Variants in GLDN observed in about 807,000 individuals in gnomAD.
GLDN encodes the protein collomin.
Under a neutral mutation model 56.5 loss-of-function variants are expected in GLDN, and 47 were observed. That is an observed-to-expected ratio of 0.83 (90% confidence interval 0.66 to 1.06). GLDN has a LOEUF of 1.06. GLDN is among the 50% of genes least tolerant of loss of function. The pLI is 0.00. For missense variants in GLDN, 782 were observed against 714.3 expected (o/e 1.09, Z -1.08); for synonymous variants, 332 against 278.8 (o/e 1.19, Z -1.90).
chr15:51,371,948 G>C (rs2037525591), intron 1 of GLDN, among the ~76,000 whole-genome samples: 2 of 152,202 alleles, frequency 1.3e-5, no homozygotes, highest in African/African-American at 2.4e-5. Flanking sequence ...GCCTCCCAAA[G>C]TGTTGGGACT....
At chr15:51,383,268 T>C (rs1362698547) in intron 2 of GLDN, among the ~76,000 whole-genome samples, 168 bp from the exon 3 acceptor site, 1 of 152,236 alleles carries the variant, frequency 6.6e-6, no homozygotes, top group Non-Finnish European at 1.5e-5. Flanking sequence ...TGGGTCTTTG[T>C]TGAATTGCTT....
intron 5 of GLDN, among the ~76,000 whole-genome samples, chr15:51,395,692 C>G (rs1167060185): frequency 6.6e-6 from 1 of 152,110 alleles, no homozygotes; most frequent in Non-Finnish European, 1.5e-5. Context: ...CTGGCATTTT[C>G]GCTTAACACC....
chr15:51,381,896 G>A (rs2037770629), intron 2 of GLDN, among the ~76,000 whole-genome samples: 1 of 151,810 alleles, frequency 6.6e-6, no homozygotes, highest in African/African-American at 2.4e-5. Flanking sequence ...AACCCACACT[G>A]CTTTCACAGC....
chr15:51,404,361 C>T lies in GLDN; in HGVS notation c.1263C>T (p.Ser421=). The T allele has an allele frequency of 4.3e-6, 7 of 1,613,134 alleles. No individual in the cohort carries two copies. The highest frequency in any genetic ancestry group is 1.7e-4 in the Middle Eastern group (1 of 6,052). The change falls in exon 10 of 10, where the codon TCC becomes TCT. Residue 421 remains serine (S), a synonymous_variant. Coordinates refer to ENST00000335449, the MANE Select transcript of GLDN (RefSeq NM_181789.4). Reference sequence around the variant, plus strand: ...ATCGAAAATACCTTTTTGCAAATTCCAAAACTTACTTCAATCTAGCTGTAG... The same window carrying T: ...ATCGAAAATACCTTTTTGCAAATTCTAAAACTTACTTCAATCTAGCTGTAG... ...YFDRKYLFAN[S]KTYFNLAVDE... is the part of the protein sequence containing the mutation.
At chr15:51,364,329 C>T (rs765967208) in intron 1 of GLDN, among the ~76,000 whole-genome samples, 2 of 152,166 alleles carry the variant, frequency 1.3e-5, no homozygotes, top group Non-Finnish European at 1.5e-5. Context: ...GTTCACTAAC[C>T]TTTCATCTGC....
At position 51,400,401 on chromosome 15, in the gene GLDN, A is replaced by G. The variant is rs756655568; in HGVS notation, c.930A>G (p.Pro310=). ...CCATGATCACTTCCATTGGAAACCCAGTGCAAGTACTGAAAGTGACAGAGA... is the reference window on the plus strand; with the variant it reads ...CCATGATCACTTCCATTGGAAACCCGGTGCAAGTACTGAAAGTGACAGAGA... ...AESMITSIGN[P]VQVLKVTETF... Residue 310 remains proline, a synonymous_variant, in exon 8 of 10, where the codon CCA becomes CCG. Transcript: ENST00000335449. 2 of 1,614,234 alleles carry G rather than the reference A, an allele frequency of 1.2e-6. No homozygotes were observed. Among genetic ancestry groups the G allele is most frequent in the South Asian group, 2.2e-5 (2 of 91,082 alleles).
chr15:51,371,412 C>A (rs992462062), intron 1 of GLDN, among the ~76,000 whole-genome samples: 3 of 152,230 alleles, frequency 2.0e-5, no homozygotes, highest in African/African-American at 7.2e-5. Context: ...TATGTCCCAT[C>A]TCTGTTTAGT....
At chr15:51,379,447 T>A (rs1278131775) in intron 2 of GLDN, among the ~76,000 whole-genome samples, 1 of 152,238 alleles carries the variant, frequency 6.6e-6, no homozygotes, top group Non-Finnish European at 1.5e-5. Context: ...CAAGTGACCC[T>A]AATCCAGTTA....
At chr15:51,398,029 G>C (rs1049933603) in intron 6 of GLDN, among the ~76,000 whole-genome samples, 13 of 152,232 alleles carry the variant, frequency 8.5e-5, no homozygotes. Context: ...CATTAAGCCA[G>C]GCACAGGGCT....
chr15:51,355,527 T>G (rs1389474715), intron 1 of GLDN, among the ~76,000 whole-genome samples: 1 of 89,652 alleles, frequency 1.1e-5, no homozygotes, highest in Non-Finnish European at 2.4e-5. Context: ...CTTTCTTTCT[T>G]TTTTTTTTTT....
chr15:51,402,921 C>T (rs947445278), intron 9 of GLDN, among the ~76,000 whole-genome samples: 1 of 152,208 alleles, frequency 6.6e-6, no homozygotes, highest in Admixed American at 6.5e-5. Flanking sequence ...GACAACTGAC[C>T]TACCACCTGC....
chr15:51,396,275 T>G (rs2038126986), intron 5 of GLDN, among the ~76,000 whole-genome samples: 1 of 152,196 alleles, frequency 6.6e-6, no homozygotes, highest in Non-Finnish European at 1.5e-5. Flanking sequence ...ACTCCCAGAT[T>G]CCCTAGCTCT....
chr15:51,355,661 C>T (rs1294811538), intron 1 of GLDN, among the ~76,000 whole-genome samples: 40 of 150,692 alleles, frequency 2.7e-4, no homozygotes, highest in Non-Finnish European at 4.9e-4. Context: ...GTAGCTGGGA[C>T]CACAGGCACG....
intron 1 of GLDN, chr15:51,351,118 G>T (rs747888839): frequency 3.4e-6 from 1 of 294,952 alleles, no homozygotes; most frequent in South Asian, 3.8e-5. Flanking sequence ...AGATATCTTG[G>T]CCCTTTCTCT....
At chr15:51,375,107 C>G (rs2037603447) in intron 1 of GLDN, among the ~76,000 whole-genome samples, 1 of 152,144 alleles carries the variant, frequency 6.6e-6, no homozygotes, top group Admixed American at 6.5e-5. Context: ...TGTTGACATA[C>G]TTGACAAAAA....
intron 1 of GLDN, chr15:51,377,240 T>C (rs1404014478): frequency 3.5e-6 from 2 of 566,974 alleles, no homozygotes; most frequent in Non-Finnish European, 6.3e-6. Flanking sequence ...TGCAGCTCCA[T>C]TGTAATCTTA....
At chr15:51,411,986 A>C (rs529399285), downstream of GLDN, among the ~76,000 whole-genome samples, 2 of 152,338 alleles carry the variant, frequency 1.3e-5, no homozygotes, top group East Asian at 3.9e-4. Flanking sequence ...TTTTTACTTT[A>C]CTTTCTCCAA....
chr15:51,393,551 C>A (rs1784062790), intron 4 of GLDN, among the ~76,000 whole-genome samples: 1 of 152,212 alleles, frequency 6.6e-6, no homozygotes, highest in Non-Finnish European at 1.5e-5. Flanking sequence ...AGTCATCCTT[C>A]AGTCACAGGT....
intron 1 of GLDN, among the ~76,000 whole-genome samples, chr15:51,349,782 C>G (rs1705904092): frequency 1.3e-5 from 2 of 151,882 alleles, no homozygotes; most frequent in African/African-American, 4.8e-5. Flanking sequence ...CTCTGTCACC[C>G]AGGCTGGAGT....
Sources: allele counts gnomAD v4.1 joint callset (sites outside exome capture counted in the v4.1 genomes callset), GRCh38; gene constraint gnomAD v4.1.1; transcripts MANE v1.5; gene names NCBI Gene and HGNC (gene_info 2026-07-23, HGNC 2026-07-21).